The following EPN2 variants were observed in gnomAD, a reference collection of about 807,000 sequenced individuals.
The protein encoded by EPN2 is epsin 2, also known as epsin-2.
Under a neutral mutation model 61.7 loss-of-function variants are expected in EPN2, and 34 were observed. The observed-to-expected ratio is 0.55, with a 90% CI of 0.42 to 0.73. EPN2 has a LOEUF of 0.73. EPN2 is among the 30% of genes least tolerant of loss of function. The pLI, the probability that EPN2 is intolerant of heterozygous loss-of-function variation, is 0.00. For missense variants in EPN2, 714 were observed against 839.2 expected, an observed-to-expected ratio of 0.85 and a Z score of 1.84; for synonymous variants, 349 against 353.6, an observed-to-expected ratio of 0.99 and a Z score of 0.15.
Position 19,331,992 on chromosome 17 carries a change from G to A in EPN2, c.1551G>A (p.Ala517=), listed in dbSNP as rs1452372464. 3.7e-6 allele frequency: 6 copies of A among 1,613,872 alleles called. No individual in the cohort carries two copies. In the African/African-American group the frequency reaches 4.0e-5, roughly 11 times the overall value. ...CTGAGTCCTTCCTGGGCCCCAACGC[G>A]GCCCTGGTGAACCTGGACTCACTGG... ...KTPESFLGPN[A]ALVNLDSLVT... Residue 517 remains alanine (A), a synonymous_variant, in exon 10 of 11, where the codon GCG becomes GCA. Coordinates refer to ENST00000314728, the MANE Select transcript of EPN2 (RefSeq NM_014964.5).
chr17:19,237,805 A>AT (rs1350991185), intron 1 of EPN2, among the ~76,000 whole-genome samples: 1 of 151,208 alleles, frequency 6.6e-6, no homozygotes, highest in Non-Finnish European at 1.5e-5. Context: ...ACCCGTCCCT[A>AT]TCACCGAGCA....
chr17:19,247,884 C>G (rs1177663656), intron 1 of EPN2, among the ~76,000 whole-genome samples: 1 of 152,120 alleles, frequency 6.6e-6, no homozygotes, highest in African/African-American at 2.4e-5. Context: ...GTAAAGGGGG[C>G]CTCAGTGCTG....
intron 4 of EPN2, chr17:19,307,789 C>A: frequency 2.0e-6 from 1 of 494,558 alleles, no homozygotes; most frequent in Non-Finnish European, 2.6e-6. Flanking sequence ...CAGAAGCAGC[C>A]TCTTTCTACC....
Position 19,283,552 on chromosome 17 carries a change from G to A in EPN2, c.433G>A (p.Ala145Thr). 1 of 1,614,212 alleles carries A rather than the reference G, an allele frequency of 6.2e-7. No homozygotes were observed. Residue 145 changes from alanine to threonine, a missense_variant, in exon 3 of 11, where the codon GCC becomes ACC. Ala to Thr is a moderately conservative substitution (Grantham distance 58). Transcript: ENST00000314728. This position sits in a 1 kb window ranked among gnomAD's most constrained non-coding sequence, Gnocchi z 7.0. ...CGAGGAACGGTTGAAGGCTGAGAGG[G>A]CCCAGGCTCTCAAAACCAAAGAGCG... is the stretch of plus-strand genomic sequence containing the variant. ...KDEERLKAER[A>T]QALKTKERMA...
At chr17:19,324,355 C>T (rs555101414) in intron 7 of EPN2, among the ~76,000 whole-genome samples, 4 of 152,252 alleles carry the variant, frequency 2.6e-5, no homozygotes, top group South Asian at 2.1e-4. Context: ...TATATTTAGA[C>T]GGAGTTTTGT....
intron 4 of EPN2, among the ~76,000 whole-genome samples, chr17:19,292,396 T>TCTCACCC (rs2045474261): frequency 6.6e-6 from 1 of 152,216 alleles, no homozygotes; most frequent in Non-Finnish European, 1.5e-5. Context: ...TGGTGGGAGA[T>TCTCACCC]GAGACTCATT....
intron 1 of EPN2, among the ~76,000 whole-genome samples, chr17:19,280,626 G>A (rs897782758): frequency 6.6e-6 from 1 of 152,188 alleles, no homozygotes; most frequent in African/African-American, 2.4e-5. Context: ...AATTTTATGA[G>A]CTGTCCCCTT....
At chr17:19,313,017 A>G (rs1906218721) in intron 6 of EPN2, 88 bp from the exon 7 acceptor site, 1 of 1,403,594 alleles carries the variant, frequency 7.1e-7, no homozygotes, top group Non-Finnish European at 9.8e-7. Context: ...AGGAAGAGGC[A>G]CAGGTGGGTG....
chr17:19,267,540 C>CT (rs398058634), intron 1 of EPN2, among the ~76,000 whole-genome samples: 13,023 of 140,910 alleles, frequency 0.092, 1,884 homozygotes, highest in African/African-American at 0.31. Context: ...AGTAGAGCAG[C>CT]TTTTTTTTTT....
intron 1 of EPN2, among the ~76,000 whole-genome samples, chr17:19,276,898 A>G (rs1472665654): frequency 1.3e-5 from 2 of 151,466 alleles, no homozygotes; most frequent in African/African-American, 4.9e-5. Flanking sequence ...GAGGTTCATA[A>G]GAAATTATTG....
intron 4 of EPN2, among the ~76,000 whole-genome samples, chr17:19,298,820 C>T (rs536349451): frequency 3.9e-5 from 6 of 152,330 alleles, no homozygotes; most frequent in Admixed American, 3.9e-4. Context: ...CACATACCAG[C>T]TTGCACACAA....
At chr17:19,277,421 A>G (rs940374539) in intron 1 of EPN2, among the ~76,000 whole-genome samples, 8 of 143,942 alleles carry the variant, frequency 5.6e-5, no homozygotes, top group African/African-American at 8.0e-5. Flanking sequence ...AAAAAAAAAA[A>G]GAGAGAAATA....
chr17:19,286,181 C>T (rs1300126140), intron 4 of EPN2, among the ~76,000 whole-genome samples: 1 of 152,208 alleles, frequency 6.6e-6, no homozygotes. Flanking sequence ...TGATTTAAAC[C>T]TCACAACACC....
intron 9 of EPN2, among the ~76,000 whole-genome samples, chr17:19,331,249 ACT>A (rs1907143102): frequency 1.3e-5 from 2 of 151,676 alleles, no homozygotes; most frequent in South Asian, 4.2e-4. Context: ...CTGTTGTGAA[ACT>A]CTTTGTGCTT....
chr17:19,317,874 CAG>C (rs1034064252), intron 7 of EPN2, among the ~76,000 whole-genome samples: 21 of 152,206 alleles, frequency 1.4e-4, no homozygotes, highest in Admixed American at 1.3e-3. Context: ...AGCTGGCCCT[CAG>C]GGAATGATTG....
chr17:19,324,298 G>GA (rs1438749699), intron 7 of EPN2, among the ~76,000 whole-genome samples: 12 of 152,170 alleles, frequency 7.9e-5, no homozygotes. Context: ...TTGAGTCACA[G>GA]AAAAAATTAT....
chr17:19,269,093 CAT>C (rs1428152711), intron 1 of EPN2, among the ~76,000 whole-genome samples: 2 of 152,140 alleles, frequency 1.3e-5, no homozygotes, highest in Admixed American at 6.5e-5. Context: ...TTTGTCCTCA[CAT>C]GTGGTTTGCA....
chr17:19,285,599 G>A lies in EPN2; in HGVS notation c.596-21G>A. 1 of 1,509,968 alleles carries A rather than the reference G, an allele frequency of 6.6e-7. No homozygotes were observed. The highest frequency in any genetic ancestry group is 8.9e-7 in the Non-Finnish European group (1 of 1,125,252). 93.5% of individuals were successfully genotyped at this position (1,509,968 alleles called of 1,614,324 possible). On this transcript the variant is annotated intron_variant, in intron 3 of 10. Transcript: ENST00000314728. This position sits in a 1 kb window ranked among gnomAD's most constrained non-coding sequence, Gnocchi z 4.5. Reference sequence around the variant, plus strand: ...TAATGGCGTGTCTCTCTGTGTGTGTGTGTGTGTCCCTGCCCCACAGCGCCT... The same window carrying A: ...TAATGGCGTGTCTCTCTGTGTGTGTATGTGTGTCCCTGCCCCACAGCGCCT...
At chr17:19,264,300 T>G (rs1053422671) in intron 1 of EPN2, among the ~76,000 whole-genome samples, 11 of 152,200 alleles carry the variant, frequency 7.2e-5, no homozygotes, top group Admixed American at 6.5e-4. Context: ...TTAAATTTAG[T>G]GCGAAGTAAA....
Sources: allele counts gnomAD v4.1 joint callset (sites outside exome capture counted in the v4.1 genomes callset), GRCh38; gene constraint gnomAD v4.1.1; non-coding constraint Gnocchi (gnomAD v3.1); transcripts MANE v1.5; gene names NCBI Gene and HGNC (gene_info 2026-07-23, HGNC 2026-07-21).